WDR27: variants seen among roughly 807,000 people sequenced by gnomAD.
The protein encoded by WDR27 is WD repeat domain 27.
A neutral mutation model predicts 114.4 loss-of-function variants in WDR27; 100 were observed. The ratio of observed to expected loss-of-function variants is 0.87; its 90% CI spans 0.74 to 1.03. WDR27 has a LOEUF of 1.03. Ranked by LOEUF, WDR27 falls within the 50% of genes least tolerant of loss-of-function variation. The probability of loss-of-function intolerance (pLI) is 0.00; values close to 1 mark genes in which losing one functional copy is unlikely to be tolerated. For synonymous variants in WDR27, 449 were observed against 423.1 expected (o/e 1.06, Z -0.75); for missense variants, 1,129 against 1,092.9 (o/e 1.03, Z -0.47).
the WDR27 span, among the ~76,000 whole-genome samples, chr6:169,444,347 AGT>A: frequency 1.3e-5 from 2 of 152,202 alleles, no homozygotes; most frequent in Admixed American, 6.5e-5. Flanking sequence ...TAGACTGTGC[AGT>A]GTGTTTGTCC....
At chr6:169,698,794 G>C (rs141802898) in intron 1 of WDR27, among the ~76,000 whole-genome samples, 1 of 152,222 alleles carries the variant, frequency 6.6e-6, no homozygotes. Flanking sequence ...GAGGGGCCAC[G>C]GTGGTGGCAC....
intron 22 of WDR27, among the ~76,000 whole-genome samples, chr6:169,611,882 C>A (rs1810621136): frequency 6.6e-6 from 1 of 152,132 alleles, no homozygotes; most frequent in East Asian, 1.9e-4. Flanking sequence ...CACCTGTAAT[C>A]CCAGCAATTT....
chr6:169,530,576 C>T (rs1439621673), intron 25 of WDR27, among the ~76,000 whole-genome samples: 1 of 152,192 alleles, frequency 6.6e-6, no homozygotes, highest in Non-Finnish European at 1.5e-5. Flanking sequence ...CATGACACAA[C>T]CTTTGGGATG....
rs1818305671 is a variant in WDR27, at chr6:169,638,553, G to C, written c.1855C>G (p.Leu619Val). 1 of 1,611,036 alleles carries C rather than the reference G, an allele frequency of 6.2e-7. No homozygotes were observed. The highest frequency in any genetic ancestry group is 1.3e-5 in the African/African-American group (1 of 74,874). ...LRMWSARGAE[L>V]ALLLGKDMFS... is the part of the protein sequence containing the mutation. ...CTGTCCATTACCAGAAGCAGTGCGA[G>C]CTCTGCCCCACGAGCCGACCACATT... Residue 619 changes from leucine (L) to valine (V), a missense_variant, in exon 18 of 26, where the codon CTC (leucine) becomes GTC (valine). Physicochemically the swap from Leu to Val is conservative, Grantham distance 32. Coordinates refer to ENST00000448612, the MANE Select transcript of WDR27 (RefSeq NM_182552.5).
chr6:169,670,695 TAG>T lies in WDR27; in HGVS notation c.332-4_332-3del, dbSNP rs776390573. On this transcript the variant is annotated splice_region_variant and splice_polypyrimidine_tract_variant and intron_variant, in intron 3 of 25. Coordinates refer to ENST00000448612, the MANE Select transcript of WDR27 (RefSeq NM_182552.5). ...TGACAGTCCCTCGAGGGACCAGCCC[TAG>T]AGTGAGTTTCACCATTAGTGCCAGT... 81 of 1,613,636 alleles carry T rather than the reference TAG, an allele frequency of 5.0e-5. No homozygotes were observed. The highest frequency in any genetic ancestry group is 1.3e-4 in the Admixed American group (8 of 59,962).
In WDR27 at chr6:169,602,275, C is replaced by T. The variant is rs1292045007; in HGVS notation, c.2368G>A (p.Gly790Arg). Residue 790 changes from glycine (G) to arginine (R), a missense_variant, in exon 23 of 26, where the codon GGA becomes AGA. Transcript: ENST00000448612. ...CGTCCACAAGGACTGAAAGCGATTC[C>T]ACATGGATAGCCGCGGGTTGGATGC... ...EGHPTRGYPC[G>R]IAFSPCGRFA... is the part of the protein sequence containing the mutation. 1 of 1,567,414 alleles carries T rather than the reference C, an allele frequency of 6.4e-7. No homozygotes were observed. Among genetic ancestry groups the T allele is most frequent in the Non-Finnish European group, 8.7e-7 (1 of 1,154,858 alleles).
chr6:169,621,452 GCACA>G (rs1169956308), intron 21 of WDR27, among the ~76,000 whole-genome samples: 3 of 150,044 alleles, frequency 2.0e-5, no homozygotes, highest in Non-Finnish European at 4.4e-5. Flanking sequence ...ATGCACACAT[GCACA>G]CACACATATA....
chr6:169,673,987 A>G (rs966671782), intron 2 of WDR27, among the ~76,000 whole-genome samples: 1 of 152,196 alleles, frequency 6.6e-6, no homozygotes, highest in Non-Finnish European at 1.5e-5. Context: ...AACAACCCTC[A>G]TAAGAACTGA....
At chr6:169,481,898 G>A (rs373812549) in intron 25 of WDR27, among the ~76,000 whole-genome samples, 10 of 152,296 alleles carry the variant, frequency 6.6e-5, no homozygotes, top group East Asian at 1.9e-4. Flanking sequence ...GAGGGTCCGC[G>A]GCTTCATTCT....
intron 25 of WDR27, among the ~76,000 whole-genome samples, chr6:169,568,813 CA>C (rs1227266400): frequency 1.3e-5 from 2 of 152,120 alleles, no homozygotes; most frequent in Non-Finnish European, 2.9e-5. Context: ...TTAAAGATTT[CA>C]AATCTTAGAA....
At position 169,651,937 on chromosome 6, in the gene WDR27, C is replaced by T. The variant is rs765521537; in HGVS notation, c.1474G>A (p.Ala492Thr). 3 of 1,613,512 alleles carry T rather than the reference C, an allele frequency of 1.9e-6. No homozygotes were observed. Among genetic ancestry groups the T allele is most frequent in the African/African-American group, 1.3e-5 (1 of 74,936 alleles). Reference protein sequence around the residue: ...SKVRSSGYASAPHVTMFSPKT... With the variant: ...SKVRSSGYASTPHVTMFSPKT... ...TGACATGAGTTCACTCACTGTGGTGCTGACGCATAACCAGATGACCTAACT... is the reference window on the plus strand; with the variant it reads ...TGACATGAGTTCACTCACTGTGGTGTTGACGCATAACCAGATGACCTAACT... Residue 492 changes from alanine to threonine, a missense_variant, in exon 14 of 26, where the codon GCA (alanine) becomes ACA (threonine). Ala to Thr is a moderately conservative substitution (Grantham distance 58, BLOSUM62 0). Transcript: ENST00000448612.
chr6:169,613,436 G>A lies in WDR27; in HGVS notation c.2321+123C>T, dbSNP rs868775117. 5.8e-5 allele frequency: 43 copies of A among 745,164 alleles called. No homozygotes were observed. In the African/African-American group the frequency reaches 7.4e-4, roughly 13 times the overall value. The allele number at this position is 745,164 out of a possible 1,614,324, so 46.2% of individuals were successfully genotyped here. On this transcript the variant is annotated intron_variant, in intron 22 of 25. Coordinates refer to ENST00000448612, the MANE Select transcript of WDR27 (RefSeq NM_182552.5). Reference sequence around the variant, plus strand: ...AGCTAACTTTTCTGTGCATAAATCAGTCTTAGATTAGTCAGTGTGCACAGA... The same window carrying A: ...AGCTAACTTTTCTGTGCATAAATCAATCTTAGATTAGTCAGTGTGCACAGA...
At chr6:169,613,922 A>C (rs1365225203) in intron 21 of WDR27, among the ~76,000 whole-genome samples, 4 of 152,250 alleles carry the variant, frequency 2.6e-5, no homozygotes, top group Non-Finnish European at 5.9e-5. Context: ...TGGTCAAAAA[A>C]GACCAAGATA....
chr6:169,672,259 A>T lies in WDR27; in HGVS notation c.327T>A (p.Leu109=). ...ATGTTTTAGATTTTCATTTACCTTGAAGTACTTTCTCTCTACATTCATCCA... is the reference window on the plus strand; with the variant it reads ...ATGTTTTAGATTTTCATTTACCTTGTAGTACTTTCTCTCTACATTCATCCA... The part of the protein sequence containing the change: ...WNLDECREKV[L]QGLVPRGTVM... Residue 109 remains leucine (L), a synonymous_variant, in exon 3 of 26, where the codon CTT becomes CTA. Transcript: ENST00000448612. The T allele has an allele frequency of 6.2e-7, 1 of 1,611,772 alleles. No individual in the cohort carries two copies. Among genetic ancestry groups the T allele is most frequent in the Middle Eastern group, 1.7e-4 (1 of 6,044 alleles).
intron 25 of WDR27, among the ~76,000 whole-genome samples, chr6:169,547,402 T>G (rs895078042): frequency 6.6e-6 from 1 of 152,176 alleles, no homozygotes; most frequent in Non-Finnish European, 1.5e-5. Context: ...ATATTTCTCA[T>G]GTAGACAGAT....
chr6:169,652,927 G>A (rs1048605877), intron 13 of WDR27, among the ~76,000 whole-genome samples: 1 of 152,166 alleles, frequency 6.6e-6, no homozygotes, highest in Non-Finnish European at 1.5e-5. Flanking sequence ...CCACTTTTAA[G>A]GAGTGATCTA....
chr6:169,518,093 CT>C (rs1476130470), intron 25 of WDR27, among the ~76,000 whole-genome samples: 1 of 152,230 alleles, frequency 6.6e-6, no homozygotes, highest in East Asian at 1.9e-4. Context: ...AGTTCTGCCC[CT>C]ATGGGTTTGC....
chr6:169,607,088 C>CA, intron 22 of WDR27, among the ~76,000 whole-genome samples: 1 of 152,210 alleles, frequency 6.6e-6, no homozygotes, highest in Non-Finnish European at 1.5e-5. Flanking sequence ...CAAAAAGTAA[C>CA]AGATACTGTC....
At chr6:169,692,711 C>T (rs1417518224) in intron 1 of WDR27, among the ~76,000 whole-genome samples, 2 of 152,172 alleles carry the variant, frequency 1.3e-5, no homozygotes, top group East Asian at 3.9e-4. Context: ...CAGCCACAAT[C>T]CCCTCTGGAA....
Sources: allele counts gnomAD v4.1 joint callset (sites outside exome capture counted in the v4.1 genomes callset), GRCh38; gene constraint gnomAD v4.1.1; transcripts MANE v1.5; gene names NCBI Gene and HGNC (gene_info 2026-07-23, HGNC 2026-07-21).